The following OR2L13 variants were observed in gnomAD, a reference collection of about 807,000 sequenced individuals.
The protein encoded by OR2L13 is olfactory receptor 2L13.
Under a neutral mutation model 15.3 loss-of-function variants are expected in OR2L13, and 14 were observed. That is an observed-to-expected ratio of 0.91 (90% confidence interval 0.60 to 1.43). The LOEUF (loss-of-function observed/expected upper bound fraction) is 1.43. OR2L13 is among the 40% of genes most tolerant of loss of function. The pLI is 0.00. For missense variants in OR2L13, 367 were observed against 387.9 expected, an observed-to-expected ratio of 0.95 and a Z score of 0.45; for synonymous variants, 152 against 142.9, an observed-to-expected ratio of 1.06 and a Z score of -0.45.
At chr1:247,974,823 A>G in the OR2L13 span, 1 of 233,920 alleles carries the variant, frequency 4.3e-6, no homozygotes, top group Non-Finnish European at 9.8e-6. Flanking sequence ...TCTCCTCTTC[A>G]TTCTCCTTGT....
At chr1:247,966,319 G>A in the OR2L13 span, 1 of 1,612,970 alleles carries the variant, frequency 6.2e-7, no homozygotes, top group Non-Finnish European at 8.5e-7. Context: ...TAGAAAATAT[G>A]ACTTCAGATC....
At chr1:247,980,973 C>T in the OR2L13 span, 1 of 152,046 alleles carries the variant, frequency 6.6e-6, no homozygotes, top group Admixed American at 6.5e-5. Context: ...TTTTATTGAT[C>T]ACAGGGAAGA....
At chr1:248,096,346 G>A (rs937290480), upstream of OR2L13, among the ~76,000 whole-genome samples, 4 of 150,814 alleles carry the variant, frequency 2.7e-5, no homozygotes, top group Non-Finnish European at 4.4e-5. Flanking sequence ...TCAGGCCACT[G>A]CACTCCAGCC....
chr1:248,038,319 C>G, the OR2L13 span: 2 of 1,613,544 alleles, frequency 1.2e-6, no homozygotes, highest in Non-Finnish European at 1.7e-6. Context: ...GGGGCTGTTC[C>G]CACAATCAAG....
the OR2L13 span, chr1:248,021,813 A>G: frequency 1.6e-6 from 1 of 638,136 alleles, no homozygotes; most frequent in South Asian, 1.9e-5. Context: ...AAAATAGTGT[A>G]TATAGGGTTC....
chr1:248,078,278 C>T, the OR2L13 span, among the ~76,000 whole-genome samples: 177 of 152,042 alleles, frequency 1.2e-3, 1 homozygote, highest in African/African-American at 4.1e-3. Flanking sequence ...GTCAGGAGAT[C>T]GAAATCATCC....
chr1:248,073,370 G>A, the OR2L13 span, among the ~76,000 whole-genome samples: 18 of 152,038 alleles, frequency 1.2e-4, no homozygotes, highest in African/African-American at 4.3e-4. Context: ...GTAAGCTATC[G>A]CAAGGACAAA....
At chr1:247,969,536 ATTAC>A in the OR2L13 span, among the ~76,000 whole-genome samples, 1 of 152,182 alleles carries the variant, frequency 6.6e-6, no homozygotes, top group Non-Finnish European at 1.5e-5. Context: ...GAAGGAGATA[ATTAC>A]TTTACAAATG....
At chr1:247,956,402 G>C in the OR2L13 span, among the ~76,000 whole-genome samples, 1 of 151,434 alleles carries the variant, frequency 6.6e-6, no homozygotes, top group Admixed American at 6.6e-5. Flanking sequence ...TGTTCTTTTG[G>C]CTTAGGATTG....
the OR2L13 span, among the ~76,000 whole-genome samples, chr1:248,020,479 C>G: frequency 6.6e-6 from 1 of 152,172 alleles, no homozygotes; most frequent in Non-Finnish European, 1.5e-5. Flanking sequence ...ACAGAATACA[C>G]ATCCTGCTGG....
upstream of OR2L13, among the ~76,000 whole-genome samples, chr1:248,092,074 C>T (rs1345344136): frequency 6.6e-6 from 1 of 152,068 alleles, no homozygotes; most frequent in Non-Finnish European, 1.5e-5. Flanking sequence ...TTGGCTCTTA[C>T]CTTGGCTGCT....
chr1:248,081,523 C>T, the OR2L13 span, among the ~76,000 whole-genome samples: 6 of 152,056 alleles, frequency 3.9e-5, no homozygotes, highest in Admixed American at 3.3e-4. Flanking sequence ...AATAATTTCT[C>T]TGATGGTGAA....
At chr1:248,087,627 C>T in the OR2L13 span, 1 of 152,064 alleles carries the variant, frequency 6.6e-6, no homozygotes. Context: ...AGTTAAAAAT[C>T]CTCTGTGGTC....
chr1:247,937,794 G>T, the OR2L13 span, among the ~76,000 whole-genome samples: 5,147 of 152,280 alleles, frequency 0.034, 289 homozygotes, highest in African/African-American at 0.12. Context: ...TGAAATAAAT[G>T]TTCAGGTTAA....
chr1:248,019,122 G>T, the OR2L13 span, among the ~76,000 whole-genome samples: 3 of 151,910 alleles, frequency 2.0e-5, no homozygotes, highest in Non-Finnish European at 4.4e-5. Context: ...CTTTCTGAGG[G>T]TCTTATTTCT....
chr1:248,073,923 T>C, the OR2L13 span, among the ~76,000 whole-genome samples: 1 of 151,986 alleles, frequency 6.6e-6, no homozygotes, highest in Non-Finnish European at 1.5e-5. Flanking sequence ...TTTTGAAGTA[T>C]ATAATTTTTT....
chr1:248,077,522 GTTAT>G, the OR2L13 span, among the ~76,000 whole-genome samples: 4 of 152,284 alleles, frequency 2.6e-5, no homozygotes, highest in East Asian at 5.8e-4. Flanking sequence ...TTCAGAGCCT[GTTAT>G]TTGTCTATTC....
At chr1:247,987,989 C>T in the OR2L13 span, among the ~76,000 whole-genome samples, 1 of 152,086 alleles carries the variant, frequency 6.6e-6, no homozygotes, top group African/African-American at 2.4e-5. Flanking sequence ...CTCTCAAAAA[C>T]TTAATATTTT....
the OR2L13 span, among the ~76,000 whole-genome samples, chr1:248,004,965 A>G: frequency 9.9e-5 from 15 of 152,160 alleles, no homozygotes; most frequent in East Asian, 3.8e-4. Flanking sequence ...AAAATTTTTA[A>G]AAATGGAACC....
Sources: allele counts gnomAD v4.1 joint callset (sites outside exome capture counted in the v4.1 genomes callset), GRCh38; gene constraint gnomAD v4.1.1; transcripts MANE v1.5; gene names NCBI Gene and HGNC (gene_info 2026-07-23, HGNC 2026-07-21).